PPM1L: variants seen among roughly 807,000 people sequenced by gnomAD.
PPM1L encodes protein phosphatase 1L.
In PPM1L, 13 loss-of-function variants were observed where a neutral mutation model predicts 31.4. That is an observed-to-expected ratio of 0.41 (90% confidence interval 0.27 to 0.66). The LOEUF is 0.66. Among genes scored for constraint, PPM1L ranks in the 30% least tolerant of loss-of-function variants. The pLI is 0.29. For missense variants in PPM1L, 326 were observed against 453.7 expected (o/e 0.72, Z 2.56); for synonymous variants, 184 against 175.4 (o/e 1.05, Z -0.39).
Position 161,077,836 on chromosome 3 carries a change from T to C in PPM1L, c.*8679T>C, listed in dbSNP as rs1399707380. On this transcript the variant is annotated 3_prime_UTR_variant, in exon 4 of 4. Transcript: ENST00000498165. Reference sequence around the variant, plus strand: ...TGTTTTCTGTATGGCAAAGAAAAACTAAATCCCAGACTTTTATTTTTAACC... The same window carrying C: ...TGTTTTCTGTATGGCAAAGAAAAACCAAATCCCAGACTTTTATTTTTAACC... 6.6e-6 allele frequency: 1 copy of C among 152,088 alleles called. No individual in the cohort carries two copies. The highest frequency in any genetic ancestry group is 1.5e-5 in the Non-Finnish European group (1 of 68,000). The allele number at this position is 152,088 out of a possible 1,614,324, so 9.4% of individuals were successfully genotyped here. A position where few individuals can be genotyped will look rare whatever the true frequency, so the allele number is the denominator to read the frequency against.
chr3:160,825,885 C>G (rs905673791), intron 1 of PPM1L, among the ~76,000 whole-genome samples: 6 of 152,126 alleles, frequency 3.9e-5, no homozygotes, highest in Non-Finnish European at 8.8e-5. Flanking sequence ...CAGCCAGCTT[C>G]AATTATATGA....
chr3:161,040,880 T>C (rs1398531846), intron 2 of PPM1L, among the ~76,000 whole-genome samples: 1 of 152,200 alleles, frequency 6.6e-6, no homozygotes, highest in Non-Finnish European at 1.5e-5. Context: ...AAAACATGTT[T>C]ATTTGCCGTA....
chr3:160,942,460 A>G (rs573963991), intron 1 of PPM1L, among the ~76,000 whole-genome samples: 1 of 152,336 alleles, frequency 6.6e-6, no homozygotes, highest in East Asian at 1.9e-4. Flanking sequence ...GATACGTGTT[A>G]TTAAATATTG....
chr3:160,948,077 C>T (rs1159954945), intron 1 of PPM1L, among the ~76,000 whole-genome samples: 1 of 152,176 alleles, frequency 6.6e-6, no homozygotes, highest in Non-Finnish European at 1.5e-5. Flanking sequence ...GTGTCCAGCA[C>T]ATAGTCGACA....
chr3:161,046,109 T>TTA, intron 2 of PPM1L, among the ~76,000 whole-genome samples: 1 of 10,510 alleles, frequency 9.5e-5, no homozygotes, highest in South Asian at 6.8e-3. Context: ...AGACTCTGTC[T>TTA]CAAAAAAAAA....
intron 1 of PPM1L, among the ~76,000 whole-genome samples, chr3:160,844,720 T>C (rs975547382): frequency 7.9e-5 from 12 of 152,272 alleles, no homozygotes; most frequent in Non-Finnish European, 1.3e-4. Context: ...TTTTTCTATG[T>C]TTTTTAAAGA....
intron 1 of PPM1L, among the ~76,000 whole-genome samples, chr3:160,936,258 A>AT (rs1309934468): frequency 4.0e-5 from 6 of 151,892 alleles, no homozygotes; most frequent in African/African-American, 7.2e-5. Flanking sequence ...CCCGGCTAAT[A>AT]TTTTTTGTAT....
At chr3:160,975,772 G>A (rs1156241233) in intron 2 of PPM1L, among the ~76,000 whole-genome samples, 18 of 151,950 alleles carry the variant, frequency 1.2e-4, no homozygotes, top group Admixed American at 9.2e-4. Flanking sequence ...GGAGATTTTG[G>A]GCTGAGACAA....
At chr3:160,869,718 A>ATGTGTGTG (rs10663764) in intron 1 of PPM1L, among the ~76,000 whole-genome samples, 1 of 150,328 alleles carries the variant, frequency 6.7e-6, no homozygotes, top group Non-Finnish European at 1.5e-5. Context: ...GGTGCAATGT[A>ATGTGTGTG]TGTGTGTGTG....
chr3:160,792,166 G>A (rs1712126177), intron 1 of PPM1L, among the ~76,000 whole-genome samples: 2 of 152,132 alleles, frequency 1.3e-5, no homozygotes, highest in African/African-American at 4.8e-5. Context: ...AAAAGTCAAA[G>A]TGAGGCTAAG....
At chr3:161,055,408 C>T (rs1489574893) in intron 2 of PPM1L, among the ~76,000 whole-genome samples, 2 of 152,056 alleles carry the variant, frequency 1.3e-5, no homozygotes, top group African/African-American at 4.8e-5. Context: ...GAAACCTCTG[C>T]TGACAGTGAT....
chr3:161,048,640 T>C (rs1278495343), intron 2 of PPM1L, among the ~76,000 whole-genome samples: 1 of 152,140 alleles, frequency 6.6e-6, no homozygotes, highest in Non-Finnish European at 1.5e-5. Context: ...CGTATGTTTA[T>C]TGCGGCATTA....
chr3:160,913,353 A>G (rs1300958399), intron 1 of PPM1L, among the ~76,000 whole-genome samples: 1 of 152,160 alleles, frequency 6.6e-6, no homozygotes, highest in African/African-American at 2.4e-5. Flanking sequence ...ATCTGATTTC[A>G]CCTATATTTT....
At chr3:160,911,783 T>C (rs377003389) in intron 1 of PPM1L, among the ~76,000 whole-genome samples, 6 of 152,266 alleles carry the variant, frequency 3.9e-5, no homozygotes, top group African/African-American at 1.2e-4. Context: ...GTGATGCAGA[T>C]AGAGGAATCC....
chr3:160,921,534 T>C (rs1714403378), intron 1 of PPM1L, among the ~76,000 whole-genome samples: 1 of 152,166 alleles, frequency 6.6e-6, no homozygotes, highest in Non-Finnish European at 1.5e-5. Flanking sequence ...ATTTACAAAA[T>C]TAATTAAACA....
Position 160,954,346 on chromosome 3 carries a change from G to A in PPM1L, c.400-7390G>A, listed in dbSNP as rs568082995. 4.0e-5 allele frequency among the ~76,000 whole-genome samples: 6 copies of A among 150,896 alleles called. No individual in the cohort carries two copies. In the South Asian group the frequency reaches 1.3e-3, roughly 32 times the overall value. On this transcript the variant is annotated intron_variant, in intron 1 of 3. Coordinates refer to ENST00000498165, the MANE Select transcript of PPM1L (RefSeq NM_139245.4). ...CACCCTTTTTTTTTTCCTCACACAT[G>A]AGGTATACAAACTACTTTGTAATCT...
In PPM1L at chr3:161,053,326, A is replaced by G. The variant is rs558521090; in HGVS notation, c.575-12077A>G. ...TGTACCTCAAAATAGTCATGCCCAG[A>G]GAGTATATATGAAGCCTCCTGCAGC... On this transcript the variant is annotated intron_variant, in intron 2 of 3. Coordinates refer to ENST00000498165, the MANE Select transcript of PPM1L (RefSeq NM_139245.4). Among the ~76,000 whole-genome samples the G allele has an allele frequency of 4.6e-5, 7 of 152,296 alleles. No homozygotes were observed. The East Asian group carries it at 7.7e-4, about 17-fold the overall frequency.
chr3:160,844,737 T>C (rs77945857), intron 1 of PPM1L, among the ~76,000 whole-genome samples: 1,755 of 152,232 alleles, frequency 0.012, 30 homozygotes, highest in African/African-American at 0.04. Context: ...AAGAGCCTTA[T>C]TGAAATATAA....
intron 2 of PPM1L, among the ~76,000 whole-genome samples, chr3:161,026,655 G>C (rs960665880): frequency 6.6e-6 from 1 of 151,106 alleles, no homozygotes; most frequent in Non-Finnish European, 1.5e-5. Context: ...CCGAGACCAC[G>C]CCACTGCACT....
Sources: gnomAD v4.1 joint callset for allele counts (sites outside exome capture counted in the v4.1 genomes callset) on GRCh38, gnomAD v4.1.1 for gene constraint, MANE v1.5 for transcripts, NCBI Gene and HGNC (gene_info 2026-07-23, HGNC 2026-07-21) for gene names.